Variants in ZHX1 observed in about 807,000 individuals in gnomAD.
ZHX1 encodes zinc fingers and homeoboxes 1.
A neutral mutation model predicts 61.8 loss-of-function variants in ZHX1; 20 were observed. The observed-to-expected ratio is 0.32, with a 90% CI of 0.23 to 0.47. The LOEUF (loss-of-function observed/expected upper bound fraction) is 0.47, where lower values mean the gene tolerates loss of function less well. Ranked by LOEUF, ZHX1 falls within the 20% of genes least tolerant of loss-of-function variation. The pLI, the probability that ZHX1 is intolerant of heterozygous loss-of-function variation, is 1.00. For missense variants in ZHX1, 800 were observed against 1,034.8 expected (o/e 0.77, Z 3.11); for synonymous variants, 318 against 352.6 (o/e 0.90, Z 1.10).
intron 2 of ZHX1, among the ~76,000 whole-genome samples, chr8:123,259,738 G>A (rs1826189006): frequency 6.6e-6 from 1 of 152,066 alleles, no homozygotes; most frequent in South Asian, 2.1e-4. Flanking sequence ...AATAATAGTT[G>A]GAAGGCAAGA....
rs1826013661 is a variant in ZHX1 at position 123,254,558 on chromosome 8, A to T, written c.1389T>A (p.Asp463Glu). Residue 463 changes from aspartate (D) to glutamate (E), a missense_variant, in exon 3 of 4, where the codon GAT (aspartate) becomes GAA (glutamate). Coordinates refer to ENST00000395571, the MANE Select transcript of ZHX1 (RefSeq NM_007222.5). This position sits in a 1 kb window ranked among gnomAD's most constrained non-coding sequence, Gnocchi z 4.1. ...TCTTTTTTGCCCGAATGCCAAATGA[A>T]TCAGGGTTTACCAATGCAGTTTCAT... Reference protein sequence around the residue: ...VKHETALVNPDSFGIRAKKTK... With the variant: ...VKHETALVNPESFGIRAKKTK... 1 of 1,614,160 alleles carries T rather than the reference A, an allele frequency of 6.2e-7. No homozygotes were observed. Among genetic ancestry groups the T allele is most frequent in the African/African-American group, 1.3e-5 (1 of 75,040 alleles).
intron 1 of ZHX1, among the ~76,000 whole-genome samples, chr8:123,272,138 A>G (rs551359922): frequency 3.9e-4 from 59 of 152,370 alleles, no homozygotes; most frequent in African/African-American, 1.3e-3. Context: ...TCCATTGAAG[A>G]CGTTAAAGCT....
intron 1 of ZHX1, among the ~76,000 whole-genome samples, chr8:123,272,452 G>A (rs1429477033): frequency 6.6e-6 from 1 of 152,094 alleles, no homozygotes; most frequent in African/African-American, 2.4e-5. Flanking sequence ...TCCTGTTACC[G>A]CATTATTGTC....
chr8:123,252,143 T>C (rs983122020), intron 3 of ZHX1, among the ~76,000 whole-genome samples: 3 of 152,228 alleles, frequency 2.0e-5, no homozygotes, highest in African/African-American at 7.2e-5. Context: ...TTTCCTTCCT[T>C]ACTGTTTGAA....
At chr8:123,264,811 G>A (rs1409454355) in intron 2 of ZHX1, among the ~76,000 whole-genome samples, 6 of 148,568 alleles carry the variant, frequency 4.0e-5, no homozygotes, top group Non-Finnish European at 8.9e-5. Flanking sequence ...CACCCGCCTC[G>A]GCCTCCCAAA....
chr8:123,253,879 A>G lies in ZHX1; in HGVS notation c.2068T>C (p.Tyr690His). Residue 690 changes from tyrosine (Y) to histidine (H), a missense_variant, in exon 3 of 4, where the codon TAT becomes CAT. Coordinates refer to ENST00000395571, the MANE Select transcript of ZHX1 (RefSeq NM_007222.5). ...VRTQWPSPEE[Y>H]DKLAKESGLA... ...CCGCTTTCTTTGGCCAACTTGTCAT[A>G]CTCTTCTGGTGATGGCCACTGTGTC... is the stretch of plus-strand genomic sequence containing the variant. 6.2e-7 allele frequency: 1 copy of G among 1,613,800 alleles called. No individual in the cohort carries two copies. The highest frequency in any genetic ancestry group is 8.5e-7 in the Non-Finnish European group (1 of 1,179,954).
rs752973316 is a variant in ZHX1, at chr8:123,255,298, C to G, written c.649G>C (p.Asp217His). 1 of 1,613,988 alleles carries G rather than the reference C, an allele frequency of 6.2e-7. No individual in the cohort carries two copies. The highest frequency in any genetic ancestry group is 8.5e-7 in the Non-Finnish European group (1 of 1,180,046). ...PEEKENEIKP[D>H]REEIVENPSS... ...GGATTTTCTACAATTTCTTCACGGTCTGGTTTGATTTCATTCTCTTTCTCT... is the reference window on the plus strand; with the variant it reads ...GGATTTTCTACAATTTCTTCACGGTGTGGTTTGATTTCATTCTCTTTCTCT... Residue 217 changes from aspartate (D) to histidine (H), a missense_variant, in exon 3 of 4, where the codon GAC becomes CAC. Asp to His is a moderately conservative substitution (Grantham distance 81). Transcript: ENST00000395571.
At position 123,261,395 on chromosome 8, in the gene ZHX1, T is replaced by C. The variant is rs144578213; in HGVS notation, c.-225-5224A>G. 8.0e-3 allele frequency among the ~76,000 whole-genome samples: 1,211 copies of C among 152,254 alleles called. 8 individuals are homozygous for C. Among genetic ancestry groups the C allele is most frequent in the Middle Eastern group, 0.014 (4 of 294 alleles). On this transcript the variant is annotated intron_variant, in intron 2 of 3. Transcript: ENST00000395571. Reference sequence around the variant, plus strand: ...GCAGTCACCTCTGTCAATTAGTAGTTAGGTGCCTGGAAGAGCTATTCAATT... The same window carrying C: ...GCAGTCACCTCTGTCAATTAGTAGTCAGGTGCCTGGAAGAGCTATTCAATT...
chr8:123,267,511 T>C, intron 1 of ZHX1, 125 bp from the exon 2 acceptor site: 2 of 387,760 alleles, frequency 5.2e-6, no homozygotes, highest in Non-Finnish European at 9.2e-6. Context: ...TATTCCCTCA[T>C]CAAAACTTTA....
In ZHX1 at chr8:123,249,376, T is replaced by C. The variant is rs1173232136; in HGVS notation, c.*948A>G. The C allele has an allele frequency of 6.6e-6, 1 of 152,174 alleles. No individual in the cohort carries two copies. The highest frequency in any genetic ancestry group is 2.4e-5 in the African/African-American group (1 of 41,462). 9.4% of individuals were successfully genotyped at this position (152,174 alleles called of 1,614,324 possible). A position where few individuals can be genotyped will look rare whatever the true frequency, so the allele number is the denominator to read the frequency against. The stretch of plus-strand genomic sequence containing the variant: ...ACTCATTATGATCAGTTCAGAATTT[T>C]TTCTCTATTCACTGAAACTGTTATA... On this transcript the variant is annotated 3_prime_UTR_variant, in exon 4 of 4. Transcript: ENST00000395571.
chr8:123,250,943 A>G (rs1360778705), intron 3 of ZHX1, among the ~76,000 whole-genome samples: 1 of 152,234 alleles, frequency 6.6e-6, no homozygotes, highest in Non-Finnish European at 1.5e-5. Context: ...TGTAATTATT[A>G]AGGGACAGTG....
intron 2 of ZHX1, among the ~76,000 whole-genome samples, chr8:123,256,449 C>T (rs1563810432): frequency 6.6e-6 from 1 of 152,170 alleles, no homozygotes; most frequent in Non-Finnish European, 1.5e-5. Context: ...AAAGGGCCTG[C>T]TTTGGCAAGC....
chr8:123,251,142 T>G (rs1442097484), intron 3 of ZHX1, among the ~76,000 whole-genome samples: 1 of 152,156 alleles, frequency 6.6e-6, no homozygotes, highest in African/African-American at 2.4e-5. Flanking sequence ...TCAGGAGATC[T>G]GGTTGTTTGA....
intron 2 of ZHX1, among the ~76,000 whole-genome samples, chr8:123,265,189 CAA>C (rs34237102): frequency 3.3e-4 from 33 of 99,516 alleles, no homozygotes; most frequent in East Asian, 3.0e-4. Flanking sequence ...AACTCTGTCT[CAA>C]AAAAAAAAAA....
chr8:123,271,220 C>T (rs1030097944), intron 1 of ZHX1, among the ~76,000 whole-genome samples: 2 of 152,030 alleles, frequency 1.3e-5, no homozygotes, highest in Non-Finnish European at 1.5e-5. Context: ...GTTTTAAAAA[C>T]AGAACTATAA....
intron 1 of ZHX1, among the ~76,000 whole-genome samples, chr8:123,270,503 G>C (rs761770054): frequency 1.6e-4 from 24 of 152,056 alleles, no homozygotes; most frequent in Admixed American, 3.9e-4. Context: ...TTATTTGGCT[G>C]AGTGCAGTGG....
chr8:123,269,311 T>C (rs540879406), intron 1 of ZHX1, among the ~76,000 whole-genome samples: 2 of 152,334 alleles, frequency 1.3e-5, no homozygotes, highest in East Asian at 1.9e-4. Context: ...TGCCAAGACA[T>C]GTAAAGGCAC....
chr8:123,254,392 G>A lies in ZHX1; in HGVS notation c.1555C>T (p.Gln519Ter), dbSNP rs1170468596. The A allele has an allele frequency of 6.2e-7, 1 of 1,614,052 alleles. No individual in the cohort carries two copies. Among genetic ancestry groups the A allele is most frequent in the Non-Finnish European group, 8.5e-7 (1 of 1,179,988 alleles). Reference sequence around the variant, plus strand: ...CACTGATTACTCTTTGAATTTCTCTGGTTGTACCTTGTGTCACTAAACCAT... The same window carrying A: ...CACTGATTACTCTTTGAATTTCTCTAGTTGTACCTTGTGTCACTAAACCAT... ...KKWFSDTRYN[Q>*]RNSKSNQCLH... Residue 519 changes from glutamine (Q) to a stop codon, truncating the protein, a stop_gained, in exon 3 of 4, where the codon CAG becomes TAG. Coordinates refer to ENST00000395571, the MANE Select transcript of ZHX1 (RefSeq NM_007222.5). LOFTEE classifies it high-confidence loss of function. This position sits in a 1 kb window ranked among gnomAD's most constrained non-coding sequence, Gnocchi z 4.1.
intron 1 of ZHX1, among the ~76,000 whole-genome samples, chr8:123,272,422 A>G (rs2131230018): frequency 6.6e-6 from 1 of 152,316 alleles, no homozygotes; most frequent in South Asian, 2.1e-4. Context: ...AATATTCATG[A>G]AAGCCCTTTT....
Sources: gnomAD v4.1 joint callset for allele counts (sites outside exome capture counted in the v4.1 genomes callset) on GRCh38, gnomAD v4.1.1 for gene constraint, Gnocchi (gnomAD v3.1) non-coding constraint, MANE v1.5 for transcripts, NCBI Gene and HGNC (gene_info 2026-07-23, HGNC 2026-07-21) for gene names.